LYPD6B: variants seen among roughly 807,000 people sequenced by gnomAD.
The protein encoded by LYPD6B is ly6/PLAUR domain-containing protein 6B.
In LYPD6B, 17 loss-of-function variants were observed where a neutral mutation model predicts 22.8. That is an observed-to-expected ratio of 0.75 (90% CI 0.51 to 1.12). LYPD6B has a LOEUF of 1.12. Among genes scored for constraint, LYPD6B ranks in the 50% most tolerant of loss-of-function variants. The pLI is 0.00. For missense variants in LYPD6B, 221 were observed against 258.3 expected (o/e 0.86, Z 0.99); for synonymous variants, 106 against 91.6 (o/e 1.16, Z -0.90).
chr2:149,143,118 T>A (rs1405973321), intron 2 of LYPD6B, among the ~76,000 whole-genome samples: 1 of 152,198 alleles, frequency 6.6e-6, no homozygotes, highest in Admixed American at 6.5e-5. Flanking sequence ...TTAGTTCTTT[T>A]CCTTTTGTCC....
At chr2:149,110,992 A>G (rs1049772881) in intron 1 of LYPD6B, among the ~76,000 whole-genome samples, 1 of 152,186 alleles carries the variant, frequency 6.6e-6, no homozygotes, top group African/African-American at 2.4e-5. Context: ...GCTGGTAGCT[A>G]TCTGGTGGAA....
At chr2:149,184,590 C>T (rs193161719) in intron 3 of LYPD6B, among the ~76,000 whole-genome samples, 63 of 152,302 alleles carry the variant, frequency 4.1e-4, no homozygotes, top group African/African-American at 1.4e-3. Flanking sequence ...AGAATTTTCC[C>T]TGAAGAATTT....
chr2:149,085,617 A>G (rs920872984), intron 1 of LYPD6B, among the ~76,000 whole-genome samples: 3 of 152,186 alleles, frequency 2.0e-5, no homozygotes, highest in Non-Finnish European at 4.4e-5. Context: ...TAAAGACTGG[A>G]ATGTCCCAGC....
chr2:149,205,487 C>T (rs775526281), intron 4 of LYPD6B, 83 bp downstream of exon 4: 22 of 1,400,332 alleles, frequency 1.6e-5, no homozygotes, highest in Non-Finnish European at 2.1e-5. Context: ...TTTATTGTAA[C>T]TTCGTCTTTC....
chr2:149,203,139 C>T (rs1278370697), intron 3 of LYPD6B, among the ~76,000 whole-genome samples: 1 of 152,160 alleles, frequency 6.6e-6, no homozygotes, highest in East Asian at 1.9e-4. Context: ...TCAGTCCTCA[C>T]TCCAAAACTA....
In LYPD6B at chr2:149,213,015, C is replaced by A; in HGVS notation, c.352C>A (p.His118Asn). 1 of 1,613,906 alleles carries A rather than the reference C, an allele frequency of 6.2e-7. No homozygotes were observed. The highest frequency in any genetic ancestry group is 1.1e-5 in the South Asian group (1 of 91,074). ...PQNTQYCLTVHHFTSHGRSTS... is the reference protein window; with the variant it reads ...PQNTQYCLTVNHFTSHGRSTS... ...AGATACACAGTACTGTTTGACAGTT[C>A]ATCACTTCACCAGCCACGGAAGAAG... The change falls in exon 6 of 7, where the codon CAT (histidine) becomes AAT (asparagine). Residue 118 changes from histidine (H) to asparagine (N), a missense_variant. Transcript: ENST00000409642.
chr2:149,108,469 T>C (rs1686603925), intron 1 of LYPD6B, among the ~76,000 whole-genome samples: 1 of 152,236 alleles, frequency 6.6e-6, no homozygotes, highest in South Asian at 2.1e-4. Context: ...CCTGAAATTC[T>C]TTGTTGCCCT....
Position 149,134,715 on chromosome 2 carries a change from G to A in LYPD6B, c.5+3762G>A, listed in dbSNP as rs565924951. Reference sequence around the variant, plus strand: ...AAAGGAATGCAAGAGCTTTGCATTAGCCAAATTTGGAAGCAAGCCAGGATC... The same window carrying A: ...AAAGGAATGCAAGAGCTTTGCATTAACCAAATTTGGAAGCAAGCCAGGATC... On this transcript the variant is annotated intron_variant, in intron 2 of 6. Coordinates refer to ENST00000409642, the MANE Select transcript of LYPD6B (RefSeq NM_177964.5). Among the ~76,000 whole-genome samples the A allele has an allele frequency of 4.6e-5, 7 of 152,282 alleles. No homozygotes were observed. The East Asian group carries it at 1.4e-3, about 29-fold the overall frequency.
chr2:149,095,793 CAG>C (rs1400067469), intron 1 of LYPD6B, among the ~76,000 whole-genome samples: 2 of 151,206 alleles, frequency 1.3e-5, no homozygotes, highest in South Asian at 2.1e-4. Context: ...AGACAGGAGA[CAG>C]AGAAAGAGAT....
chr2:149,045,220 G>A (rs1046798716), intron 1 of LYPD6B, among the ~76,000 whole-genome samples: 3 of 151,856 alleles, frequency 2.0e-5, no homozygotes, highest in Non-Finnish European at 4.4e-5. Flanking sequence ...AATTTTTTGT[G>A]GTGTTCTTTT....
chr2:149,078,130 A>G lies in LYPD6B; in HGVS notation c.-67+39329A>G, dbSNP rs551978867. ...CTGTCAGGCCAGGGGTCACAGTGCCACATTGTCAGCCCAGGGGAGGGTTCC... is the reference window on the plus strand; with the variant it reads ...CTGTCAGGCCAGGGGTCACAGTGCCGCATTGTCAGCCCAGGGGAGGGTTCC... On this transcript the variant is annotated intron_variant, in intron 1 of 6. Transcript: ENST00000409642. 2.0e-5 allele frequency among the ~76,000 whole-genome samples: 3 copies of G among 152,314 alleles called. No individual in the cohort carries two copies. In the South Asian group the frequency reaches 6.2e-4, roughly 32 times the overall value.
rs368877467 is a variant in LYPD6B at position 149,080,117 on chromosome 2, T to G, written c.-67+41316T>G. On this transcript the variant is annotated intron_variant, in intron 1 of 6. Transcript: ENST00000409642. ...ACAGAAATTTATCATCTCACTGTTC[T>G]GGATGCTAGACTGAAATCAAGGTGA... is the stretch of plus-strand genomic sequence containing the variant. 1.7e-3 allele frequency among the ~76,000 whole-genome samples: 257 copies of G among 152,338 alleles called. 13 individuals carry two copies. In the South Asian group the frequency reaches 0.046, roughly 27 times the overall value.
chr2:149,137,344 G>C (rs1309839184), intron 2 of LYPD6B, among the ~76,000 whole-genome samples: 1 of 152,140 alleles, frequency 6.6e-6, no homozygotes, highest in Non-Finnish European at 1.5e-5. Flanking sequence ...TTACAAGTAA[G>C]GGACCCACAG....
At chr2:149,105,280 A>C (rs1263432014) in intron 1 of LYPD6B, among the ~76,000 whole-genome samples, 1 of 152,200 alleles carries the variant, frequency 6.6e-6, no homozygotes, top group African/African-American at 2.4e-5. Flanking sequence ...TGATTTGGCT[A>C]TTCTGGGTCC....
intron 3 of LYPD6B, among the ~76,000 whole-genome samples, chr2:149,176,783 A>C (rs934473254): frequency 1.3e-5 from 2 of 152,216 alleles, no homozygotes; most frequent in African/African-American, 4.8e-5. Flanking sequence ...TAGCCACCCC[A>C]AAGACTACAG....
intron 3 of LYPD6B, among the ~76,000 whole-genome samples, chr2:149,165,244 C>T (rs1282657682): frequency 6.6e-6 from 1 of 152,178 alleles, no homozygotes; most frequent in Non-Finnish European, 1.5e-5. Context: ...CGTAGCCTCT[C>T]TTCTGCCACA....
At chr2:149,135,328 AT>A (rs995138330) in intron 2 of LYPD6B, among the ~76,000 whole-genome samples, 2 of 151,276 alleles carry the variant, frequency 1.3e-5, no homozygotes, top group South Asian at 2.1e-4. Context: ...ATTGTAAACT[AT>A]TTTTTTTGTA....
intron 1 of LYPD6B, among the ~76,000 whole-genome samples, chr2:149,126,268 A>G (rs1687690245): frequency 6.6e-6 from 1 of 152,172 alleles, no homozygotes; most frequent in Non-Finnish European, 1.5e-5. Flanking sequence ...CTCTCGGACA[A>G]TGGTGGGCTT....
Position 149,214,606 on chromosome 2 carries a change from A to G in LYPD6B, c.520A>G (p.Asn174Asp), listed in dbSNP as rs1694079146. Residue 174 changes from asparagine (N) to aspartate (D), a missense_variant, in exon 7 of 7, where the codon AAT becomes GAT. Physicochemically the swap from Asn to Asp is conservative, Grantham distance 23. Coordinates refer to ENST00000409642, the MANE Select transcript of LYPD6B (RefSeq NM_177964.5). Reference sequence around the variant, plus strand: ...TGTAGAATTACCCACCAATCACACTAATGCAGTGTTTGCCGTAATGCACGC... The same window carrying G: ...TGTAGAATTACCCACCAATCACACTGATGCAGTGTTTGCCGTAATGCACGC... ...CNVELPTNHT[N>D]AVFAVMHAQR... 1.2e-6 allele frequency: 2 copies of G among 1,613,822 alleles called. No individual in the cohort carries two copies. The highest frequency in any genetic ancestry group is 1.7e-6 in the Non-Finnish European group (2 of 1,179,764).
Sources: gnomAD v4.1 joint callset for allele counts (sites outside exome capture counted in the v4.1 genomes callset) on GRCh38, gnomAD v4.1.1 for gene constraint, MANE v1.5 for transcripts, NCBI Gene and HGNC (gene_info 2026-07-23, HGNC 2026-07-21) for gene names.